The following FN1 variants were observed in gnomAD, a reference collection of about 807,000 sequenced individuals.
The protein encoded by FN1 is fibronectin.
In FN1, 106 loss-of-function variants were observed where a neutral mutation model predicts 297.3. That is an observed-to-expected ratio of 0.36 (90% CI 0.30 to 0.42). The LOEUF (loss-of-function observed/expected upper bound fraction) is 0.42, where lower values mean the gene tolerates loss of function less well. FN1 is among the 10% of genes least tolerant of loss of function. FN1 has a pLI of 1.00. For synonymous variants in FN1, 1,149 were observed against 1,152.6 expected (o/e 1.00, Z 0.06); for missense variants, 2,690 against 3,124.9 (o/e 0.86, Z 3.32).
In FN1 at chr2:215,388,273, C is replaced by T; in HGVS notation, c.4281G>A (p.Val1427=). 1.9e-6 allele frequency: 3 copies of T among 1,613,872 alleles called. No homozygotes were observed. Among genetic ancestry groups the T allele is most frequent in the Middle Eastern group, 1.7e-4 (1 of 6,060 alleles). The stretch of plus-strand genomic sequence containing the variant: ...GTTGTTCGTAGACACTGGAGACACT[C>T]ACTACATATTCTGTACCAGGCAGGA... ...TNLLPGTEYV[V]SVSSVYEQHE... The change falls in exon 27 of 46, where the codon GTG becomes GTA. Residue 1427 remains valine, a synonymous_variant. Coordinates refer to ENST00000354785, the MANE Select transcript of FN1 (RefSeq NM_212482.4).
At chr2:215,425,615 C>T (rs377428961) in intron 6 of FN1, among the ~76,000 whole-genome samples, 51 of 152,148 alleles carry the variant, frequency 3.4e-4, no homozygotes, top group African/African-American at 1.2e-3. Flanking sequence ...TGCAGTGGCG[C>T]GGTCTCGGCT....
intron 43 of FN1, 122 bp downstream of exon 43, chr2:215,365,383 C>T: frequency 1.9e-6 from 2 of 1,044,798 alleles, no homozygotes; most frequent in South Asian, 1.3e-5. Context: ...GATTAAGAAA[C>T]CCACTGTTCA....
Position 215,383,931 on chromosome 2 carries a change from C to A in FN1, c.4894+89G>T, listed in dbSNP as rs542357001. On this transcript the variant is annotated intron_variant, in intron 30 of 45. Coordinates refer to ENST00000354785, the MANE Select transcript of FN1 (RefSeq NM_212482.4). ...TGCTCATTAAAAAGGAAAATCTATT[C>A]TACAATTAGAAAAATACCTTGGGAG... is the stretch of plus-strand genomic sequence containing the variant. The A allele has an allele frequency of 4.8e-6, 7 of 1,456,898 alleles. No individual in the cohort carries two copies. The Admixed American group carries it at 5.1e-5, about 11-fold the overall frequency. 90.2% of individuals were successfully genotyped at this position (1,456,898 alleles called of 1,614,324 possible). A position where few individuals can be genotyped will look rare whatever the true frequency, so the allele number is the denominator to read the frequency against.
intron 10 of FN1, 74 bp from the exon 11 acceptor site, chr2:215,420,875 C>A: frequency 7.5e-7 from 1 of 1,327,030 alleles, no homozygotes; most frequent in Non-Finnish European, 1.1e-6. Context: ...GTATGCTTCT[C>A]AAAGCATACA....
chr2:215,422,935 T>TGC (rs1230477315), intron 9 of FN1, among the ~76,000 whole-genome samples: 1 of 152,166 alleles, frequency 6.6e-6, no homozygotes, highest in Non-Finnish European at 1.5e-5. Flanking sequence ...ATAGAGCTTA[T>TGC]GCCCATCAAA....
At chr2:215,381,320 G>A (rs1209611898) in intron 32 of FN1, 1 of 558,188 alleles carries the variant, frequency 1.8e-6, no homozygotes, top group Non-Finnish European at 3.2e-6. Context: ...CCTGCAAAAT[G>A]TCCCCACAAT....
intron 2 of FN1, among the ~76,000 whole-genome samples, chr2:215,433,892 A>T (rs2066981440): frequency 6.6e-6 from 1 of 152,224 alleles, no homozygotes; most frequent in Non-Finnish European, 1.5e-5. Context: ...ACCTGAGGTC[A>T]GGAATTCGAG....
intron 13 of FN1, among the ~76,000 whole-genome samples, chr2:215,413,883 T>C (rs1027111617): frequency 4.6e-5 from 7 of 152,316 alleles, no homozygotes; most frequent in Admixed American, 1.3e-4. Context: ...CTCTGACACA[T>C]CAAAGATGCG....
chr2:215,386,992 A>T, intron 27 of FN1, 34 bp from the exon 28 acceptor site: 1 of 1,586,184 alleles, frequency 6.3e-7, no homozygotes, highest in Non-Finnish European at 8.6e-7. Flanking sequence ...AAGAGAAAAA[A>T]AAAAGAAAAG....
intron 20 of FN1, among the ~76,000 whole-genome samples, chr2:215,400,718 C>T: frequency 7.9e-6 from 1 of 126,470 alleles, no homozygotes; most frequent in African/African-American, 2.9e-5. Flanking sequence ...CACCACTGCA[C>T]TCCAGCCAGG....
chr2:215,361,720 G>T, intron 45 of FN1, 94 bp from the exon 46 acceptor site: 1 of 1,057,826 alleles, frequency 9.5e-7, no homozygotes, highest in African/African-American at 1.6e-5. Context: ...CATGACAGCT[G>T]CTTATAGATA....
In FN1 at chr2:215,431,943, T is replaced by C. The variant is rs1303956823; in HGVS notation, c.437A>G (p.Gln146Arg). ...CCAGGTGTCACCAATCTTGTAGGAC[T>C]GACCCCCTTCATGGCAGCGGTCTGT... The part of the protein sequence containing the change: ...TIANRCHEGG[Q>R]SYKIGDTWRR... Residue 146 changes from glutamine (Q) to arginine (R), a missense_variant, in exon 4 of 46, where the codon CAG becomes CGG. Transcript: ENST00000354785. 6.2e-7 allele frequency: 1 copy of C among 1,614,138 alleles called. No individual in the cohort carries two copies. Among genetic ancestry groups the C allele is most frequent in the Non-Finnish European group, 8.5e-7 (1 of 1,179,998 alleles).
intron 15 of FN1, 111 bp downstream of exon 15, chr2:215,409,452 G>T: frequency 9.9e-7 from 1 of 1,012,476 alleles, no homozygotes; most frequent in Non-Finnish European, 1.6e-6. Context: ...AGTCTGAGCT[G>T]TCAACCAGTT....
intron 3 of FN1, 23 bp downstream of exon 3, chr2:215,433,301 A>G: frequency 6.2e-7 from 1 of 1,613,708 alleles, no homozygotes; most frequent in African/African-American, 1.3e-5. Flanking sequence ...TTTTGGCATC[A>G]TTTTACACAA....
chr2:215,371,251 G>T (rs1252876318), intron 40 of FN1, among the ~76,000 whole-genome samples: 2 of 149,644 alleles, frequency 1.3e-5, no homozygotes, highest in Non-Finnish European at 3.0e-5. Flanking sequence ...CAGGGCCATA[G>T]AGCAAGACTC....
Position 215,409,795 on chromosome 2 carries a change from T to C in FN1, c.2123-56A>G. The C allele has an allele frequency of 1.9e-6, 3 of 1,603,188 alleles. No homozygotes were observed. In the South Asian group the frequency reaches 3.3e-5, roughly 18 times the overall value. On this transcript the variant is annotated intron_variant, in intron 14 of 45. Transcript: ENST00000354785. ...CTTCAGTCATCTAGAAAATTTACCG[T>C]CCTCGTCGCCAACATCATTTTAAAA... is the stretch of plus-strand genomic sequence containing the variant.
At position 215,407,303 on chromosome 2, in the gene FN1, G is replaced by A. The variant is rs766368939; in HGVS notation, c.2537C>T (p.Ser846Leu). 9 of 1,614,018 alleles carry A rather than the reference G, an allele frequency of 5.6e-6. No homozygotes were observed. Among genetic ancestry groups the A allele is most frequent in the East Asian group, 2.2e-5 (1 of 44,884 alleles). The change falls in exon 18 of 46, where the codon TCG becomes TTG. Residue 846 changes from serine to leucine, a missense_variant. Physicochemically the swap from Ser to Leu is moderately radical, Grantham distance 145. Around this residue, in one of 3 missense-constraint regions of FN1, gnomAD observed 71 missense variants for 121.7 expected, o/e 0.58. Transcript: ENST00000354785. ...TGTGCTGCTACCTTCTACTGATGGC[G>A]AATAGACTATTCTGTACCCTGCAGA... is the stretch of plus-strand genomic sequence containing the variant. ...APITGYRIVY[S>L]PSVEGSSTEL... is the part of the protein sequence containing the mutation.
chr2:215,362,613 C>T (rs1395409830), intron 44 of FN1: 1 of 159,272 alleles, frequency 6.3e-6, no homozygotes, highest in Admixed American at 6.0e-5. Flanking sequence ...TTCTAATGCA[C>T]CACTTTGCCA....
chr2:215,382,378 CCT>C, intron 31 of FN1, 53 bp from the exon 32 acceptor site: 2 of 1,151,810 alleles, frequency 1.7e-6, no homozygotes, highest in Non-Finnish European at 2.6e-6. Flanking sequence ...ACTATAAAGT[CCT>C]CAAGTGGCGT....
Sources: allele counts gnomAD v4.1 joint callset (sites outside exome capture counted in the v4.1 genomes callset), GRCh38; gene constraint gnomAD v4.1.1; regional missense constraint gnomAD v4.1.1; transcripts MANE v1.5; gene names NCBI Gene and HGNC (gene_info 2026-07-23, HGNC 2026-07-21).